The following SH2D3C variants were observed in gnomAD, a reference collection of about 807,000 sequenced individuals.
The protein encoded by SH2D3C is SH2 domain-containing protein 3C.
In SH2D3C, 25 loss-of-function variants were observed where a neutral mutation model predicts 75.2. The observed-to-expected ratio is 0.33, with a 90% CI of 0.24 to 0.46. The LOEUF (loss-of-function observed/expected upper bound fraction) is 0.46. Ranked by LOEUF, SH2D3C falls within the 20% of genes least tolerant of loss-of-function variation. The pLI is 1.00. For synonymous variants in SH2D3C, 450 were observed against 473.7 expected (o/e 0.95, Z 0.65); for missense variants, 933 against 1,165.3 (o/e 0.80, Z 2.90).
In SH2D3C at chr9:127,747,160, A is replaced by G. The variant is rs2233505; in HGVS notation, c.1251T>C (p.Pro417=). The G allele has an allele frequency of 0.024, 38,887 of 1,613,858 alleles. 672 individuals carry two copies. Among genetic ancestry groups the G allele is most frequent in the African/African-American group, 0.076 (5,672 of 75,044 alleles). Residue 417 remains proline (P), a synonymous_variant, in exon 6 of 12, where the codon CCT becomes CCC. Coordinates refer to ENST00000314830, the MANE Select transcript of SH2D3C (RefSeq NM_170600.3). ...TGCTGGCCATACCAGTGCTGTAGGCAGGGGAGCTAGGGCTCTCGGAGATGG... is the reference window on the plus strand; with the variant it reads ...TGCTGGCCATACCAGTGCTGTAGGCGGGGGAGCTAGGGCTCTCGGAGATGG... ...MSPISESPSS[P]AYSTVTRVHA...
rs1564414323 is a variant in SH2D3C, at chr9:127,749,214, G to C, written c.1136C>G (p.Thr379Ser). 6.4e-7 allele frequency: 1 copy of C among 1,551,782 alleles called. No individual in the cohort carries two copies. The highest frequency in any genetic ancestry group is 2.3e-5 in the East Asian group (1 of 44,246). The change falls in exon 5 of 12, where the codon ACC becomes AGC. Residue 379 changes from threonine (T) to serine (S), a missense_variant. Thr to Ser is a moderately conservative substitution (Grantham distance 58). Coordinates refer to ENST00000314830, the MANE Select transcript of SH2D3C (RefSeq NM_170600.3). This position sits in a 1 kb window ranked among gnomAD's most constrained non-coding sequence, Gnocchi z 5.9. The stretch of plus-strand genomic sequence containing the variant: ...GACAAATGGGGCCCTGGCTGACCTG[G>C]TGGGGCAGCCATCGCTGCGGGTGAC... Reference protein sequence around the residue: ...DKVTRSDGCPTSTSLPRPRDS... With the variant: ...DKVTRSDGCPSSTSLPRPRDS...
chr9:127,741,423 G>C (rs1844853073), intron 9 of SH2D3C, among the ~76,000 whole-genome samples: 1 of 151,852 alleles, frequency 6.6e-6, no homozygotes, highest in Non-Finnish European at 1.5e-5. Context: ...CTTTTTAGTA[G>C]AAACGGGGTT....
chr9:127,767,328 C>G (rs1003086262), intron 2 of SH2D3C: 2 of 1,429,008 alleles, frequency 1.4e-6, no homozygotes, highest in African/African-American at 2.9e-5. Flanking sequence ...GATGAGGGAA[C>G]GCCTGGATCT....
chr9:127,763,928 C>T (rs1049540459), intron 2 of SH2D3C, among the ~76,000 whole-genome samples: 19 of 152,186 alleles, frequency 1.2e-4, no homozygotes, highest in Non-Finnish European at 1.8e-4. Context: ...TTTGGGTTCT[C>T]TCTGTCCAGC....
Position 127,749,592 on chromosome 9 carries a change from A to AT in SH2D3C, c.757_758insA (p.Val253AspfsTer34). On this transcript the variant is annotated frameshift_variant, in exon 5 of 12. Coordinates refer to ENST00000314830, the MANE Select transcript of SH2D3C (RefSeq NM_170600.3). LOFTEE classifies it high-confidence loss of function. The surrounding 1 kb of genome is among the most constrained non-coding windows in gnomAD (Gnocchi z 5.9). ...CTGGTTGCGCCAGCGGCACGTGAGC[A>AT]CATAGTCGCCCAGGCTGGTGAGTGA... The AT allele has an allele frequency of 6.2e-7, 1 of 1,604,460 alleles. No homozygotes were observed. Among genetic ancestry groups the AT allele is most frequent in the Non-Finnish European group, 8.5e-7 (1 of 1,175,672 alleles).
In SH2D3C at chr9:127,754,940, CG is replaced by C; in HGVS notation, c.556-3641del. 2 of 511,688 alleles carry C rather than the reference CG, an allele frequency of 3.9e-6. No homozygotes were observed. Among genetic ancestry groups the C allele is most frequent in the East Asian group, 6.3e-5 (1 of 15,800 alleles). The allele number at this position is 511,688 out of a possible 1,614,324, so 31.7% of individuals were successfully genotyped here. A position where few individuals can be genotyped will look rare whatever the true frequency, so the allele number is the denominator to read the frequency against. On this transcript the variant is annotated intron_variant, in intron 3 of 11. Transcript: ENST00000314830. The surrounding 1 kb of genome is among the most constrained non-coding windows in gnomAD (Gnocchi z 4.4). ...GGCTGGGGTGACCCCGCCCCCTCCCCGGGTCGGCCGGGCCCAGCCCAGCCCG... is the reference window on the plus strand; with the variant it reads ...GGCTGGGGTGACCCCGCCCCCTCCCCGGTCGGCCGGGCCCAGCCCAGCCCG...
chr9:127,745,302 AC>A (rs1410358120), intron 6 of SH2D3C, among the ~76,000 whole-genome samples: 3 of 151,900 alleles, frequency 2.0e-5, no homozygotes, highest in Admixed American at 1.3e-4. Flanking sequence ...AATCACCAGG[AC>A]CCAGGAGTTT....
At chr9:127,773,938 G>T in intron 2 of SH2D3C, 52 bp downstream of exon 2, 18 of 1,039,624 alleles carry the variant, frequency 1.7e-5, no homozygotes, top group East Asian at 2.4e-5. Flanking sequence ...AAAAGAAAAA[G>T]AAAAAAACAG....
rs368090190 is a variant in SH2D3C at position 127,738,719 on chromosome 9, A to C, written c.*27T>G. 1.5e-5 allele frequency: 24 copies of C among 1,555,006 alleles called. No individual in the cohort carries two copies. The highest frequency in any genetic ancestry group is 2.0e-5 in the Non-Finnish European group (23 of 1,145,830). On this transcript the variant is annotated 3_prime_UTR_variant, in exon 12 of 12. Coordinates refer to ENST00000314830, the MANE Select transcript of SH2D3C (RefSeq NM_170600.3). This position sits in a 1 kb window ranked among gnomAD's most constrained non-coding sequence, Gnocchi z 5.0. ...CCCCTCTGCCCCTGACGCTGTCCGC[A>C]GCTGCAGAGGGGAAATGTCCCTGGG... is the stretch of plus-strand genomic sequence containing the variant.
At position 127,751,129 on chromosome 9, in the gene SH2D3C, G is replaced by A. The variant is rs777773111; in HGVS notation, c.684+43C>T. On this transcript the variant is annotated intron_variant, in intron 4 of 11. Coordinates refer to ENST00000314830, the MANE Select transcript of SH2D3C (RefSeq NM_170600.3). The surrounding 1 kb of genome is among the most constrained non-coding windows in gnomAD (Gnocchi z 4.1). ...GGGCTGGGGCTGGCCAAGGCAGTGG[G>A]TGGGAGGGTCCCGGGTTGAAGTCCA... The A allele has an allele frequency of 3.7e-6, 6 of 1,607,930 alleles. No homozygotes were observed. Among genetic ancestry groups the A allele is most frequent in the African/African-American group, 1.3e-5 (1 of 74,766 alleles).
At chr9:127,770,004 G>A (rs531071626) in intron 2 of SH2D3C, among the ~76,000 whole-genome samples, 5 of 152,298 alleles carry the variant, frequency 3.3e-5, no homozygotes, top group African/African-American at 9.6e-5. Flanking sequence ...GCGTGGGGTA[G>A]GGAGTGCTGG....
At chr9:127,769,156 C>T in intron 2 of SH2D3C, among the ~76,000 whole-genome samples, 1 of 152,216 alleles carries the variant, frequency 6.6e-6, no homozygotes, top group South Asian at 2.1e-4. Context: ...CTGCCATGCT[C>T]ACTGCTATCT....
Position 127,744,561 on chromosome 9 carries a change from TA to T in SH2D3C, c.1800+2del, listed in dbSNP as rs760801571. On this transcript the variant is annotated splice_donor_variant, in intron 7 of 11. Transcript: ENST00000314830. LOFTEE classifies it high-confidence loss of function. ...TCCACCCCAGTGCACAGCCAGCACC[TA>T]CCAGGCAGTCCACCTTGGTGACATG... 6.2e-7 allele frequency: 1 copy of T among 1,603,002 alleles called. No homozygotes were observed. The highest frequency in any genetic ancestry group is 8.5e-7 in the Non-Finnish European group (1 of 1,172,248).
Position 127,749,200 on chromosome 9 carries a change from C to T in SH2D3C, c.1139+11G>A. ...CCACAACCCCATTTGACAAATGGGG[C>T]CCTGGCTGACCTGGTGGGGCAGCCA... is the stretch of plus-strand genomic sequence containing the variant. On this transcript the variant is annotated intron_variant, in intron 5 of 11. Transcript: ENST00000314830. The surrounding 1 kb of genome is among the most constrained non-coding windows in gnomAD (Gnocchi z 5.9). 3 of 1,539,866 alleles carry T rather than the reference C, an allele frequency of 1.9e-6. No homozygotes were observed. Among genetic ancestry groups the T allele is most frequent in the Admixed American group, 1.9e-5 (1 of 53,242 alleles).
At chr9:127,760,299 G>A (rs1056378416) in intron 3 of SH2D3C, among the ~76,000 whole-genome samples, 19 of 152,258 alleles carry the variant, frequency 1.2e-4, no homozygotes, top group African/African-American at 1.7e-4. Flanking sequence ...AGCACAGGGC[G>A]TTGCTTAGGG....
chr9:127,762,602 C>A (rs1845555379), intron 2 of SH2D3C, among the ~76,000 whole-genome samples: 1 of 152,212 alleles, frequency 6.6e-6, no homozygotes, highest in Non-Finnish European at 1.5e-5. Context: ...AATCCTGCCG[C>A]TCCGCCGTCA....
chr9:127,750,910 T>G (rs559915611), intron 4 of SH2D3C, among the ~76,000 whole-genome samples: 2 of 152,376 alleles, frequency 1.3e-5, no homozygotes, highest in East Asian at 3.9e-4. Context: ...TCAAGCATCA[T>G]GTTAAACATT....
In SH2D3C at chr9:127,741,886, G is replaced by A. The variant is rs1844868175; in HGVS notation, c.1990C>T (p.Leu664=). The A allele has an allele frequency of 6.2e-7, 1 of 1,613,052 alleles. No individual in the cohort carries two copies. The highest frequency in any genetic ancestry group is 8.5e-7 in the Non-Finnish European group (1 of 1,180,000). ...CTGSAEERAA[L]LHKTIQLAAE... is the part of the protein sequence containing the mutation. ...GCCAGCTGAATGGTCTTGTGCAGCAGCGCTGCCCGCTCCTCCGCAGAGCCG... is the reference window on the plus strand; with the variant it reads ...GCCAGCTGAATGGTCTTGTGCAGCAACGCTGCCCGCTCCTCCGCAGAGCCG... Residue 664 remains leucine (L), a synonymous_variant, in exon 9 of 12, where the codon CTG becomes TTG. Transcript: ENST00000314830.
In SH2D3C at chr9:127,775,314, C is replaced by G. The variant is rs987723700; in HGVS notation, c.38-847G>C. ...TTCAAAACCAGCCTCGGCAACATAG[C>G]AAGACCCTGTCTCTACAAAAAATAA... On this transcript the variant is annotated intron_variant, in intron 1 of 11. Transcript: ENST00000314830. 3.9e-5 allele frequency among the ~76,000 whole-genome samples: 6 copies of G among 152,116 alleles called. No individual in the cohort carries two copies. In the East Asian group the frequency reaches 9.7e-4, roughly 24 times the overall value.
Sources: gnomAD v4.1 joint callset for allele counts (sites outside exome capture counted in the v4.1 genomes callset) on GRCh38, gnomAD v4.1.1 for gene constraint, Gnocchi (gnomAD v3.1) non-coding constraint, MANE v1.5 for transcripts, NCBI Gene and HGNC (gene_info 2026-07-23, HGNC 2026-07-21) for gene names.